ROBO1: variants seen among roughly 807,000 people sequenced by gnomAD.
The protein encoded by ROBO1 is roundabout homolog 1.
ROBO1 carries 149 observed loss-of-function variants against 195.9 expected under a neutral mutation model. The observed-to-expected ratio is 0.76, with a 90% CI of 0.67 to 0.87. The LOEUF is 0.87. Among genes scored for constraint, ROBO1 ranks in the 40% least tolerant of loss-of-function variants. The pLI is 0.00. For missense variants in ROBO1, 1,933 were observed against 2,068.3 expected, an observed-to-expected ratio of 0.93 and a Z score of 1.27; for synonymous variants, 816 against 733.2, an observed-to-expected ratio of 1.11 and a Z score of -1.82.
At chr3:79,502,094 GGCAGCCCTC>G (rs890265048) in intron 2 of ROBO1, among the ~76,000 whole-genome samples, 8 of 152,192 alleles carry the variant, frequency 5.3e-5, no homozygotes, top group African/African-American at 1.9e-4. Flanking sequence ...ACAGCATGCT[GGCAGCCCTC>G]GCAGCCCTCA....
intron 2 of ROBO1, among the ~76,000 whole-genome samples, chr3:79,248,876 T>C (rs1313360151): frequency 6.6e-6 from 1 of 152,148 alleles, no homozygotes; most frequent in African/African-American, 2.4e-5. Context: ...CATATAGTAT[T>C]CTGTTCCATT....
chr3:79,090,999 A>C (rs1261093323), intron 3 of ROBO1, among the ~76,000 whole-genome samples: 1 of 152,098 alleles, frequency 6.6e-6, no homozygotes, highest in East Asian at 1.9e-4. Context: ...TAGATTTCAG[A>C]AAGAGTGCGT....
At chr3:78,647,380 G>C (rs1706367898) in intron 20 of ROBO1, among the ~76,000 whole-genome samples, 1 of 152,028 alleles carries the variant, frequency 6.6e-6, no homozygotes, top group Non-Finnish European at 1.5e-5. Context: ...TCTACTTAAT[G>C]AAACACATGC....
At chr3:78,711,343 C>CCTCCTCTCTTTCTTT (rs1371623770) in intron 8 of ROBO1, among the ~76,000 whole-genome samples, 1 of 101,426 alleles carries the variant, frequency 9.9e-6, no homozygotes. Context: ...TTCCTTCCTT[C>CCTCCTCTCTTTCTTT]CTTCCTCCTT....
At chr3:79,486,741 A>G (rs889509068) in intron 2 of ROBO1, among the ~76,000 whole-genome samples, 1 of 152,170 alleles carries the variant, frequency 6.6e-6, no homozygotes, top group Non-Finnish European at 1.5e-5. Flanking sequence ...CCACCCCAAA[A>G]TATGCCATTT....
chr3:78,911,059 T>A lies in ROBO1; in HGVS notation c.499+27542A>T, dbSNP rs187759773. The stretch of plus-strand genomic sequence containing the variant: ...TTCAAGAAAACAGGGTTTGGGGTAA[T>A]TATAACCTGAGGAGAAAATTAAGTC... On this transcript the variant is annotated intron_variant, in intron 4 of 30. Coordinates refer to ENST00000464233, the MANE Select transcript of ROBO1 (RefSeq NM_002941.4). Among the ~76,000 whole-genome samples the A allele has an allele frequency of 3.8e-4, 58 of 152,088 alleles. No homozygotes were observed. In the East Asian group the frequency reaches 0.01, roughly 27 times the overall value.
chr3:79,403,872 T>C (rs1420584203), intron 2 of ROBO1, among the ~76,000 whole-genome samples: 2 of 152,024 alleles, frequency 1.3e-5, no homozygotes, highest in Admixed American at 1.3e-4. Context: ...CATGATGGTA[T>C]CATTTGGAGC....
At chr3:79,367,651 T>A (rs75966642) in intron 2 of ROBO1, among the ~76,000 whole-genome samples, 6,427 of 152,266 alleles carry the variant, frequency 0.042, 365 homozygotes, top group African/African-American at 0.13. Flanking sequence ...TAAATGTGAA[T>A]AATAATAGTA....
rs576592785 is a variant in ROBO1, at chr3:79,428,854, GA to G, written c.88+160969del. ...GGATTTCAAATACTCTATGTTAAGT[GA>G]AAAAAAAAATCAGAAAGAAAAAGCT... On this transcript the variant is annotated intron_variant, in intron 2 of 30. Transcript: ENST00000464233. 1.1e-3 allele frequency among the ~76,000 whole-genome samples: 164 copies of G among 148,194 alleles called. 1 individual carries two copies. The highest frequency in any genetic ancestry group is 2.9e-3 in the African/African-American group (116 of 40,606).
At chr3:78,852,236 T>C (rs1464827286) in intron 4 of ROBO1, among the ~76,000 whole-genome samples, 1 of 152,132 alleles carries the variant, frequency 6.6e-6, no homozygotes, top group East Asian at 1.9e-4. Context: ...TTAATACATG[T>C]TAAGTAGAAG....
intron 2 of ROBO1, among the ~76,000 whole-genome samples, chr3:79,340,664 T>G (rs545510239): frequency 6.6e-6 from 1 of 152,334 alleles, no homozygotes; most frequent in South Asian, 2.1e-4. Context: ...CCCTTTACTG[T>G]GTCTCTCCTA....
intron 1 of ROBO1, among the ~76,000 whole-genome samples, chr3:79,764,875 T>C (rs1434813998): frequency 1.3e-5 from 2 of 152,288 alleles, no homozygotes; most frequent in East Asian, 1.9e-4. Context: ...CTTTATTTTG[T>C]GCAGTATAGG....
intron 2 of ROBO1, among the ~76,000 whole-genome samples, chr3:79,244,846 CTT>C (rs1300558033): frequency 2.0e-5 from 3 of 151,774 alleles, no homozygotes; most frequent in Non-Finnish European, 4.4e-5. Flanking sequence ...CTGTTTTTTT[CTT>C]TGTTTGAATA....
intron 2 of ROBO1, among the ~76,000 whole-genome samples, chr3:79,239,271 C>T (rs1279119102): frequency 1.3e-5 from 2 of 152,150 alleles, no homozygotes; most frequent in African/African-American, 2.4e-5. Flanking sequence ...AACACATTTA[C>T]AACTAAACAG....
chr3:79,550,168 G>A (rs9856445), intron 2 of ROBO1, among the ~76,000 whole-genome samples: 18,251 of 93,428 alleles, frequency 0.2, 2,791 homozygotes, highest in African/African-American at 0.36. Context: ...AGAAAGAAAG[G>A]AAGAAAGAAA....
chr3:79,761,000 T>C (rs1217863511), intron 1 of ROBO1, among the ~76,000 whole-genome samples: 2 of 150,040 alleles, frequency 1.3e-5, no homozygotes, highest in African/African-American at 4.9e-5. Context: ...TACCTATAAA[T>C]GAGAGAGAAA....
intron 2 of ROBO1, among the ~76,000 whole-genome samples, chr3:79,323,249 T>G (rs2034066442): frequency 6.6e-6 from 1 of 152,124 alleles, no homozygotes; most frequent in African/African-American, 2.4e-5. Flanking sequence ...GTCTGGCTAA[T>G]TTTTGTATTT....
rs532328304 is a variant in ROBO1, at chr3:78,655,132, A to T, written c.2614+1966T>A. On this transcript the variant is annotated intron_variant, in intron 18 of 30. Coordinates refer to ENST00000464233, the MANE Select transcript of ROBO1 (RefSeq NM_002941.4). ...ATAATCATTGGTTTTTTTTAAAAAA[A>T]ATATTTTCATAGTTTTTGGAGAACA... Among the ~76,000 whole-genome samples the T allele has an allele frequency of 7.4e-3, 1,123 of 152,216 alleles. 7 individuals are homozygous for T. The highest frequency in any genetic ancestry group is 0.026 in the African/African-American group (1,063 of 41,534).
chr3:78,681,237 G>A (rs535060603), intron 10 of ROBO1, among the ~76,000 whole-genome samples: 28 of 152,172 alleles, frequency 1.8e-4, no homozygotes, highest in African/African-American at 6.7e-4. Flanking sequence ...AATGCTAAAT[G>A]AGGAGTTAAT....
Sources: gnomAD v4.1 joint callset for allele counts (sites outside exome capture counted in the v4.1 genomes callset) on GRCh38, gnomAD v4.1.1 for gene constraint, MANE v1.5 for transcripts, NCBI Gene and HGNC (gene_info 2026-07-23, HGNC 2026-07-21) for gene names.